The following QRSL1 variants were observed in gnomAD, a reference collection of about 807,000 sequenced individuals.
QRSL1 encodes glutaminyl-tRNA amidotransferase subunit QRSL1, also known as glutamyl-tRNA(Gln) amidotransferase subunit A, mitochondrial.
In QRSL1, 54 loss-of-function variants were observed where a neutral mutation model predicts 61.6. The observed-to-expected ratio is 0.88, with a 90% confidence interval of 0.70 to 1.10. QRSL1 has a LOEUF of 1.10. Among genes scored for constraint, QRSL1 ranks in the 50% least tolerant of loss-of-function variants. The probability of loss-of-function intolerance (pLI) is 0.00; values close to 1 mark genes in which losing one functional copy is unlikely to be tolerated. For synonymous variants in QRSL1, 228 were observed against 225.7 expected (o/e 1.01, Z -0.09); for missense variants, 505 against 622.6 (o/e 0.81, Z 2.01).
chr6:106,652,970 T>G, intron 7 of QRSL1: 2 of 443,022 alleles, frequency 4.5e-6, no homozygotes, highest in Non-Finnish European at 7.6e-6. Context: ...CAATAAAACT[T>G]TATTTTCAAA....
At chr6:106,635,870 CAA>C (rs796131926) in intron 1 of QRSL1, among the ~76,000 whole-genome samples, 17 of 124,826 alleles carry the variant, frequency 1.4e-4, no homozygotes, top group African/African-American at 2.1e-4. Context: ...GACTCCATTT[CAA>C]AAAAAAAAAA....
chr6:106,636,318 C>CTTT (rs869032477), intron 1 of QRSL1, among the ~76,000 whole-genome samples: 2 of 131,782 alleles, frequency 1.5e-5, no homozygotes, highest in South Asian at 2.5e-4. Context: ...AGCTCTGCTA[C>CTTT]TTTTTTTTTT....
intron 4 of QRSL1, among the ~76,000 whole-genome samples, chr6:106,644,201 C>T (rs1250302767): frequency 6.6e-6 from 1 of 152,106 alleles, no homozygotes; most frequent in Non-Finnish European, 1.5e-5. Context: ...TTGTTTTCTT[C>T]CTTTCATATA....
At chr6:106,652,669 ATC>A (rs1396079265) in intron 7 of QRSL1, 87 bp downstream of exon 7, 1 of 1,583,722 alleles carries the variant, frequency 6.3e-7, no homozygotes, top group African/African-American at 1.3e-5. Flanking sequence ...GTGGGTTTGA[ATC>A]TCTGCTCTGC....
At position 106,654,867 on chromosome 6, in the gene QRSL1, A is replaced by T; in HGVS notation, c.987A>T (p.Val329=). The part of the protein sequence containing the change: ...HTSYSIVCYH[V]LCTSEVASNM... ...GTTATTCAATTGTCTGCTACCATGT[A>T]TTGTGCACATCAGAAGTGGCATCGA... The change falls in exon 8 of 11, where the codon GTA becomes GTT. Residue 329 remains valine, a synonymous_variant. Coordinates refer to ENST00000369046, the MANE Select transcript of QRSL1 (RefSeq NM_018292.5). 1 of 1,613,708 alleles carries T rather than the reference A, an allele frequency of 6.2e-7. No individual in the cohort carries two copies. Among genetic ancestry groups the T allele is most frequent in the Non-Finnish European group, 8.5e-7 (1 of 1,179,806 alleles).
intron 9 of QRSL1, among the ~76,000 whole-genome samples, chr6:106,657,982 C>A (rs1028288767): frequency 6.6e-6 from 1 of 152,054 alleles, no homozygotes; most frequent in Admixed American, 6.5e-5. Flanking sequence ...GGATTACAGG[C>A]GTGAGCCACC....
chr6:106,665,743 G>C, intron 10 of QRSL1, 39 bp from the exon 11 acceptor site: 1 of 1,549,980 alleles, frequency 6.5e-7, no homozygotes, highest in Non-Finnish European at 8.9e-7. Context: ...TAATTAGGGT[G>C]GAGAATTAAT....
intron 4 of QRSL1, among the ~76,000 whole-genome samples, chr6:106,648,166 C>T (rs927594925): frequency 4.6e-5 from 7 of 151,446 alleles, no homozygotes; most frequent in East Asian, 2.0e-4. Context: ...CGTGATGGCA[C>T]GCACCTGTAG....
intron 10 of QRSL1, 24 bp from the exon 11 acceptor site, chr6:106,665,758 T>C: frequency 3.1e-6 from 5 of 1,597,178 alleles, no homozygotes; most frequent in Non-Finnish European, 3.4e-6. Context: ...ATTAATCACC[T>C]ACTGGGTTTC....
chr6:106,642,400 T>C (rs1175777596), intron 3 of QRSL1: 10 of 490,498 alleles, frequency 2.0e-5, no homozygotes, highest in African/African-American at 1.6e-4. Flanking sequence ...CTGTTTTGTT[T>C]CCTATAAAAA....
At chr6:106,647,571 A>AAAG (rs927940291) in intron 4 of QRSL1, among the ~76,000 whole-genome samples, 14 of 150,842 alleles carry the variant, frequency 9.3e-5, no homozygotes, top group South Asian at 2.1e-4. Flanking sequence ...AAAAAAAAAA[A>AAAG]AGAGAGAGAC....
rs1340074084 is a variant in QRSL1 at position 106,667,089 on chromosome 6, A to G, written c.*1087A>G. ...TAATGTCATCGAAACATTTATTGTA[A>G]CCTAACAGACCATCACAGATTGGAA... On this transcript the variant is annotated 3_prime_UTR_variant, in exon 11 of 11. Transcript: ENST00000369046. The G allele has an allele frequency of 6.6e-6, 1 of 152,224 alleles. No homozygotes were observed. The highest frequency in any genetic ancestry group is 1.5e-5 in the Non-Finnish European group (1 of 68,048). 9.4% of individuals were successfully genotyped at this position (152,224 alleles called of 1,614,324 possible).
In QRSL1 at chr6:106,654,718, T is replaced by C; in HGVS notation, c.850-12T>C. On this transcript the variant is annotated splice_polypyrimidine_tract_variant and intron_variant, in intron 7 of 10. Coordinates refer to ENST00000369046, the MANE Select transcript of QRSL1 (RefSeq NM_018292.5). ...ACAGTTCCAATTTTGTATCTTGACT[T>C]TTTGCTATAAGGAATATCTTGTACC... The C allele has an allele frequency of 1.3e-6, 2 of 1,596,610 alleles. No homozygotes were observed. The highest frequency in any genetic ancestry group is 1.7e-6 in the Non-Finnish European group (2 of 1,175,262).
chr6:106,629,818 C>G, intron 1 of QRSL1, 113 bp downstream of exon 1: 1 of 1,319,812 alleles, frequency 7.6e-7, no homozygotes, highest in Non-Finnish European at 1.1e-6. Flanking sequence ...GCTGCTTCCT[C>G]TAGAACTGAG....
chr6:106,649,171 C>T lies in QRSL1; in HGVS notation c.527C>T (p.Ala176Val), dbSNP rs2114709286. 1 of 1,614,124 alleles carries T rather than the reference C, an allele frequency of 6.2e-7. No homozygotes were observed. The highest frequency in any genetic ancestry group is 8.5e-7 in the Non-Finnish European group (1 of 1,180,006). Residue 176 changes from alanine to valine, a missense_variant, in exon 5 of 11, where the codon GCA becomes GTA. Coordinates refer to ENST00000369046, the MANE Select transcript of QRSL1 (RefSeq NM_018292.5). ...LITGGSSGGSAAAVSAFTCYA... is the reference protein window; with the variant it reads ...LITGGSSGGSVAAVSAFTCYA... ...ACTGGAGGAAGCTCAGGTGGGAGTG[C>T]AGCTGCTGTATCGGCGTTCACATGC... is the stretch of plus-strand genomic sequence containing the variant.
chr6:106,663,234 G>A lies in QRSL1; in HGVS notation c.1366+49G>A, dbSNP rs182934559. The A allele has an allele frequency of 4.4e-5, 69 of 1,565,416 alleles. No homozygotes were observed. In the East Asian group the frequency reaches 1.5e-3, roughly 34 times the overall value. On this transcript the variant is annotated intron_variant, in intron 10 of 10. Coordinates refer to ENST00000369046, the MANE Select transcript of QRSL1 (RefSeq NM_018292.5). ...TGATTTTCTTCAAATTCTTAGGCAG[G>A]TACCCTGGTCTTCAACTTAAGATTC...
At chr6:106,660,688 T>G (rs1336246457) in intron 9 of QRSL1, among the ~76,000 whole-genome samples, 1 of 152,024 alleles carries the variant, frequency 6.6e-6, no homozygotes, top group African/African-American at 2.4e-5. Flanking sequence ...ACTGGGTGAT[T>G]TATAATGAAC....
intron 1 of QRSL1, among the ~76,000 whole-genome samples, 157 bp downstream of exon 1, chr6:106,629,862 A>G (rs1582400877): frequency 6.6e-6 from 1 of 152,104 alleles, no homozygotes; most frequent in Non-Finnish European, 1.5e-5. Context: ...CTTCGGGTGT[A>G]CTCGCCGTAC....
chr6:106,643,934 C>T (rs1242577255), intron 4 of QRSL1, among the ~76,000 whole-genome samples: 2 of 150,556 alleles, frequency 1.3e-5, no homozygotes, highest in South Asian at 2.1e-4. Context: ...TGCAATGGTG[C>T]GATCTCGGCT....
Sources: gnomAD v4.1 joint callset for allele counts (sites outside exome capture counted in the v4.1 genomes callset) on GRCh38, gnomAD v4.1.1 for gene constraint, MANE v1.5 for transcripts, NCBI Gene and HGNC (gene_info 2026-07-23, HGNC 2026-07-21) for gene names.